Variants in ATXN10 observed in about 807,000 individuals in gnomAD.
ATXN10 encodes ataxin-10.
In ATXN10, 28 loss-of-function variants were observed where a neutral mutation model predicts 52.9. The observed-to-expected ratio is 0.53, with a 90% confidence interval of 0.39 to 0.73. The LOEUF is 0.73. Ranked by LOEUF, ATXN10 falls within the 30% of genes least tolerant of loss-of-function variation. ATXN10 has a pLI of 0.00. For missense variants in ATXN10, 565 were observed against 577.0 expected (o/e 0.98, Z 0.21); for synonymous variants, 226 against 221.5 (o/e 1.02, Z -0.18).
chr22:45,714,725 A>G (rs949984125), intron 5 of ATXN10, among the ~76,000 whole-genome samples: 3 of 152,118 alleles, frequency 2.0e-5, no homozygotes, highest in African/African-American at 4.8e-5. Flanking sequence ...TTTTTAGTAG[A>G]TGAATTAATC....
chr22:45,706,943 T>C (rs967398471), intron 5 of ATXN10, among the ~76,000 whole-genome samples: 1 of 152,232 alleles, frequency 6.6e-6, no homozygotes, highest in African/African-American at 2.4e-5. Flanking sequence ...TCTTCTGTTC[T>C]AGTTCTTTTC....
Position 45,718,299 on chromosome 22 carries a change from A to C in ATXN10, c.648-114A>C. 1.2e-6 allele frequency: 1 copy of C among 854,994 alleles called. No homozygotes were observed. The highest frequency in any genetic ancestry group is 1.4e-5 in the South Asian group (1 of 73,622). 53.0% of individuals were successfully genotyped at this position (854,994 alleles called of 1,614,324 possible). On this transcript the variant is annotated intron_variant, in intron 5 of 11. Coordinates refer to ENST00000252934, the MANE Select transcript of ATXN10 (RefSeq NM_013236.4). This position sits in a 1 kb window ranked among gnomAD's most constrained non-coding sequence, Gnocchi z 4.4. Reference sequence around the variant, plus strand: ...GACATTTAAGATTACAGCAAATCAAAAATTCACTGAAAAGAAATGCTTTTG... The same window carrying C: ...GACATTTAAGATTACAGCAAATCAACAATTCACTGAAAAGAAATGCTTTTG...
chr22:45,720,034 A>AG (rs1924589570), intron 6 of ATXN10, among the ~76,000 whole-genome samples: 1 of 152,226 alleles, frequency 6.6e-6, no homozygotes, highest in Non-Finnish European at 1.5e-5. Context: ...TGAATGAATG[A>AG]ATATTCTTAC....
In ATXN10 at chr22:45,728,758, T is replaced by C. The variant is rs1924971901; in HGVS notation, c.729-667T>C. Among the ~76,000 whole-genome samples the C allele has an allele frequency of 1.3e-5, 2 of 152,242 alleles. No homozygotes were observed. Among genetic ancestry groups the C allele is most frequent in the African/African-American group, 4.8e-5 (2 of 41,458 alleles). On this transcript the variant is annotated intron_variant, in intron 6 of 11. Transcript: ENST00000252934. The surrounding 1 kb of genome is among the most constrained non-coding windows in gnomAD (Gnocchi z 4.3). The stretch of plus-strand genomic sequence containing the variant: ...AGAGATGGTTGAAAAGAAATATTTA[T>C]TTGGTAACTTATATATTGATGTAAA...
At chr22:45,742,548 G>A (rs939907963) in intron 9 of ATXN10, among the ~76,000 whole-genome samples, 7 of 150,742 alleles carry the variant, frequency 4.6e-5, no homozygotes, top group East Asian at 1.9e-4. Flanking sequence ...AAAAAATACC[G>A]AATGTGCTTA....
In ATXN10 at chr22:45,718,705, C is replaced by T. The variant is rs768496880; in HGVS notation, c.728+212C>T. ...GAGGGTAGCAGGATCCAGGTTGGTG[C>T]CATTATTCAGTAAATGCATATTAAG... On this transcript the variant is annotated intron_variant, in intron 6 of 11. Transcript: ENST00000252934. The surrounding 1 kb of genome is among the most constrained non-coding windows in gnomAD (Gnocchi z 4.4). Among the ~76,000 whole-genome samples the T allele has an allele frequency of 2.0e-5, 3 of 152,054 alleles. No individual in the cohort carries two copies. Among genetic ancestry groups the T allele is most frequent in the African/African-American group, 7.2e-5 (3 of 41,400 alleles).
intron 1 of ATXN10, chr22:45,672,812 T>G (rs557268519): frequency 6.6e-6 from 1 of 152,444 alleles, no homozygotes; most frequent in Non-Finnish European, 1.5e-5. Flanking sequence ...TCGACAGTTG[T>G]GGATTTGGTT....
rs1473285414 is a variant in ATXN10, at chr22:45,677,586, G to A, written c.116+5407G>A. The stretch of plus-strand genomic sequence containing the variant: ...TTAAAATATATATGATAAAGAAGTT[G>A]TTTCAGAATATATGAAGTACTCCTA... On this transcript the variant is annotated intron_variant, in intron 1 of 11. Transcript: ENST00000252934. This position sits in a 1 kb window ranked among gnomAD's most constrained non-coding sequence, Gnocchi z 4.1. 6.7e-6 allele frequency: 1 copy of A among 149,944 alleles called. No homozygotes were observed. Among genetic ancestry groups the A allele is most frequent in the Admixed American group, 6.6e-5 (1 of 15,072 alleles). 9.3% of individuals were successfully genotyped at this position (149,944 alleles called of 1,614,324 possible). A position where few individuals can be genotyped will look rare whatever the true frequency, so the allele number is the denominator to read the frequency against.
rs1022619324 is a variant in ATXN10, at chr22:45,733,951, T to A, written c.894+4361T>A. On this transcript the variant is annotated intron_variant, in intron 7 of 11. Coordinates refer to ENST00000252934, the MANE Select transcript of ATXN10 (RefSeq NM_013236.4). The surrounding 1 kb of genome is among the most constrained non-coding windows in gnomAD (Gnocchi z 4.4). ...TTTTACTTATGATGTAACTTGTACA[T>A]CTTTGCACTTTAGCATGTGTATATT... Among the ~76,000 whole-genome samples, 2 of 152,150 alleles carry A rather than the reference T, an allele frequency of 1.3e-5. No homozygotes were observed. Among genetic ancestry groups the A allele is most frequent in the Admixed American group, 1.3e-4 (2 of 15,274 alleles).
Position 45,759,205 on chromosome 22 carries a change from A to G in ATXN10, c.1173+18667A>G, listed in dbSNP as rs191569697. 7.9e-5 allele frequency among the ~76,000 whole-genome samples: 12 copies of G among 152,322 alleles called. No homozygotes were observed. Among genetic ancestry groups the G allele is most frequent in the African/African-American group, 2.4e-4 (10 of 41,590 alleles). On this transcript the variant is annotated intron_variant, in intron 9 of 11. Transcript: ENST00000252934. The surrounding 1 kb of genome is among the most constrained non-coding windows in gnomAD (Gnocchi z 5.4). Reference sequence around the variant, plus strand: ...AAGTAACTTGAAGCTTAGAGGGACAATGATAAATAGTAAAAGATTCTAGAG... The same window carrying G: ...AAGTAACTTGAAGCTTAGAGGGACAGTGATAAATAGTAAAAGATTCTAGAG...
chr22:45,765,078 G>A (rs865914870), intron 9 of ATXN10, among the ~76,000 whole-genome samples: 3 of 152,134 alleles, frequency 2.0e-5, no homozygotes, highest in East Asian at 1.9e-4. Flanking sequence ...GGTGAAGCAC[G>A]TTTGAAGAAA....
chr22:45,748,112 G>A lies in ATXN10; in HGVS notation c.1173+7574G>A, dbSNP rs913177273. On this transcript the variant is annotated intron_variant, in intron 9 of 11. Transcript: ENST00000252934. Reference sequence around the variant, plus strand: ...GACGGTTGATTGAGCTCAGTAGGTCGAGGCTACAGGGAGCCGTGATCGTGC... The same window carrying A: ...GACGGTTGATTGAGCTCAGTAGGTCAAGGCTACAGGGAGCCGTGATCGTGC... 7.2e-5 allele frequency among the ~76,000 whole-genome samples: 11 copies of A among 151,910 alleles called. 1 individual carries two copies. The highest frequency in any genetic ancestry group is 2.1e-4 in the South Asian group (1 of 4,824).
chr22:45,713,962 C>T (rs1004755149), intron 5 of ATXN10, among the ~76,000 whole-genome samples: 2 of 152,188 alleles, frequency 1.3e-5, no homozygotes, highest in Admixed American at 6.5e-5. Context: ...CTTGGTTGCA[C>T]ATGTCATATC....
intron 10 of ATXN10, among the ~76,000 whole-genome samples, chr22:45,832,427 T>C (rs1929024150): frequency 3.9e-5 from 6 of 152,192 alleles, no homozygotes; most frequent in Admixed American, 3.9e-4. Context: ...GAGTTTCAGC[T>C]CTGATGTTAA....
intron 9 of ATXN10, among the ~76,000 whole-genome samples, chr22:45,794,911 C>T (rs1175177629): frequency 6.6e-6 from 1 of 152,136 alleles, no homozygotes; most frequent in Non-Finnish European, 1.5e-5. Context: ...TTTCTATTCT[C>T]ACTTTTAATT....
chr22:45,737,092 GTTTGTTTTGTTTTAT>G (rs1925326210), intron 7 of ATXN10, among the ~76,000 whole-genome samples: 1 of 152,146 alleles, frequency 6.6e-6, no homozygotes, highest in South Asian at 2.1e-4. Context: ...CAGTGAGTTG[GTTTGTTTTGTTTTAT>G]TTTCATTATG....
rs540528892 is a variant in ATXN10, at chr22:45,681,352, C to G, written c.117-8360C>G. Among the ~76,000 whole-genome samples, 2 of 152,162 alleles carry G rather than the reference C, an allele frequency of 1.3e-5. No homozygotes were observed. The highest frequency in any genetic ancestry group is 2.9e-5 in the Non-Finnish European group (2 of 68,032). On this transcript the variant is annotated intron_variant, in intron 1 of 11. Transcript: ENST00000252934. This position sits in a 1 kb window ranked among gnomAD's most constrained non-coding sequence, Gnocchi z 4.2. ...AACTGTAGCTGCCTTCCCCCACAAT[C>G]TCGAGTCCCAATCCCTGTTTTATCT...
Position 45,678,683 on chromosome 22 carries a change from A to G in ATXN10, c.116+6504A>G, listed in dbSNP as rs1196247305. ...TTGAACTGAACTGAATAGAGCAATG[A>G]AGAGCCAGTAGCTCCAGTGAGCCAA... On this transcript the variant is annotated intron_variant, in intron 1 of 11. Transcript: ENST00000252934. This position sits in a 1 kb window ranked among gnomAD's most constrained non-coding sequence, Gnocchi z 4.1. 6.6e-6 allele frequency: 1 copy of G among 152,214 alleles called. No homozygotes were observed. The highest frequency in any genetic ancestry group is 1.5e-5 in the Non-Finnish European group (1 of 68,034). 9.4% of individuals were successfully genotyped at this position (152,214 alleles called of 1,614,324 possible). A position where few individuals can be genotyped will look rare whatever the true frequency, so the allele number is the denominator to read the frequency against.
chr22:45,770,563 G>A lies in ATXN10; in HGVS notation c.1173+30025G>A, dbSNP rs80234400. Among the ~76,000 whole-genome samples, 2 of 150,868 alleles carry A rather than the reference G, an allele frequency of 1.3e-5. No homozygotes were observed. The highest frequency in any genetic ancestry group is 3.9e-4 in the East Asian group (2 of 5,170). ...GGGGCTCTGAATGAGCTGGATGATA[G>A]GCAGACCTGGACTCTGGAGTCCTCC... On this transcript the variant is annotated intron_variant, in intron 9 of 11. Transcript: ENST00000252934. The surrounding 1 kb of genome is among the most constrained non-coding windows in gnomAD (Gnocchi z 4.5).
Sources: allele counts gnomAD v4.1 joint callset (sites outside exome capture counted in the v4.1 genomes callset), GRCh38; gene constraint gnomAD v4.1.1; non-coding constraint Gnocchi (gnomAD v3.1); transcripts MANE v1.5; gene names NCBI Gene and HGNC (gene_info 2026-07-23, HGNC 2026-07-21).